PLSCR2: variants seen among roughly 807,000 people sequenced by gnomAD.
PLSCR2 encodes the protein phospholipid scramblase 2, also known as PL scramblase 2.
In PLSCR2, 18 loss-of-function variants were observed where a neutral mutation model predicts 25.3. That is an observed-to-expected ratio of 0.71 (90% CI 0.49 to 1.06). The LOEUF (loss-of-function observed/expected upper bound fraction) is 1.06. Among genes scored for constraint, PLSCR2 ranks in the 50% least tolerant of loss-of-function variants. PLSCR2 has a pLI of 0.00. For synonymous variants in PLSCR2, 88 were observed against 87.3 expected, an observed-to-expected ratio of 1.01 and a Z score of -0.04; for missense variants, 243 against 269.5, an observed-to-expected ratio of 0.90 and a Z score of 0.69.
At chr3:146,473,818 A>C (rs2042198118) in intron 1 of PLSCR2, among the ~76,000 whole-genome samples, 1 of 152,124 alleles carries the variant, frequency 6.6e-6, no homozygotes, top group Non-Finnish European at 1.5e-5. Context: ...GGGGCTTGAG[A>C]ATTTGCTTTT....
chr3:146,398,405 A>G (rs2038344451), intron 2 of PLSCR2, among the ~76,000 whole-genome samples: 2 of 151,728 alleles, frequency 1.3e-5, no homozygotes. Flanking sequence ...TTCTCTGTCA[A>G]TATTCTTTGA....
At chr3:146,455,326 C>A in exon 4 of PLSCR2, 1 of 1,613,950 alleles carries the variant, frequency 6.2e-7, no homozygotes, top group Non-Finnish European at 8.5e-7. Flanking sequence ...TATCAGTAAT[C>A]CTCAAGGTAA....
At chr3:146,493,676 T>C (rs1016300670) in intron 1 of PLSCR2, among the ~76,000 whole-genome samples, 1 of 151,974 alleles carries the variant, frequency 6.6e-6, no homozygotes, top group African/African-American at 2.4e-5. Context: ...AAGGTAAGCA[T>C]GTGTTTTCAG....
chr3:146,481,536 C>T (rs2043130145), intron 1 of PLSCR2, among the ~76,000 whole-genome samples: 1 of 152,124 alleles, frequency 6.6e-6, no homozygotes, highest in African/African-American at 2.4e-5. Context: ...TGTGAAGGAC[C>T]TCTTCAAGGA....
intron 2 of PLSCR2, among the ~76,000 whole-genome samples, chr3:146,418,196 A>C (rs183207698): frequency 6.6e-6 from 1 of 152,268 alleles, no homozygotes; most frequent in Admixed American, 6.5e-5. Context: ...ATGTTGGGGA[A>C]CCATTGTTCT....
chr3:146,395,163 A>G (rs902149277), intron 3 of PLSCR2, among the ~76,000 whole-genome samples: 4 of 152,188 alleles, frequency 2.6e-5, no homozygotes, highest in Admixed American at 6.5e-5. Flanking sequence ...CCTTAGAGGG[A>G]TCATCTAAAG....
chr3:146,402,247 T>G (rs541908090), intron 2 of PLSCR2, among the ~76,000 whole-genome samples: 3 of 152,048 alleles, frequency 2.0e-5, no homozygotes, highest in African/African-American at 7.2e-5. Context: ...GGTTTTATGA[T>G]AAAGAAAAAA....
chr3:146,434,810 T>A (rs1359008765), intron 8 of PLSCR2, among the ~76,000 whole-genome samples: 3 of 152,110 alleles, frequency 2.0e-5, no homozygotes, highest in Non-Finnish European at 2.9e-5. Context: ...CTAGGGTACA[T>A]GTGCACAATG....
intron 2 of PLSCR2, among the ~76,000 whole-genome samples, chr3:146,404,990 G>C (rs983394432): frequency 6.6e-6 from 1 of 152,126 alleles, no homozygotes; most frequent in Non-Finnish European, 1.5e-5. Context: ...CCCTATCCCT[G>C]TGGCTTTACT....
At chr3:146,484,854 C>T (rs566778473) in intron 1 of PLSCR2, among the ~76,000 whole-genome samples, 3 of 152,030 alleles carry the variant, frequency 2.0e-5, no homozygotes, top group South Asian at 2.1e-4. Context: ...AGATAAAGAC[C>T]AATGACACTA....
At chr3:146,408,386 GTTC>G (rs1388984822) in intron 2 of PLSCR2, among the ~76,000 whole-genome samples, 12 of 152,248 alleles carry the variant, frequency 7.9e-5, no homozygotes, top group Admixed American at 1.3e-4. Flanking sequence ...TGAAAAGTCT[GTTC>G]TTCTGTGTCT....
At chr3:146,441,775 C>A (rs373829293) in exon 7 of PLSCR2, 1 of 1,579,706 alleles carries the variant, frequency 6.3e-7, no homozygotes. Flanking sequence ...CACTCCCACA[C>A]TCTGACATTC....
At chr3:146,448,194 T>C (rs2040676103) in intron 6 of PLSCR2, among the ~76,000 whole-genome samples, 1 of 152,202 alleles carries the variant, frequency 6.6e-6, no homozygotes, top group Admixed American at 6.5e-5. Flanking sequence ...CTTTCTGTTG[T>C]GTGGACAGTT....
rs771213218 is a variant in PLSCR2, at chr3:146,455,306, C to T, written c.254G>A (p.Arg85Gln). The T allele has an allele frequency of 6.2e-6, 10 of 1,613,864 alleles. No individual in the cohort carries two copies. Among genetic ancestry groups the T allele is most frequent in the South Asian group, 3.3e-5 (3 of 91,080 alleles). Residue 85 changes from arginine (R) to glutamine (Q), a missense_variant, in exon 4 of 7, where the codon CGA becomes CAA. Arg to Gln is a conservative substitution (Grantham distance 43). Coordinates refer to ENST00000610787, the Ensembl canonical transcript of PLSCR2. ...TGGTCTTTCCAGAGTTATGACTTCT[C>T]GACCCACATTATCAGTAATCCTCAA...
chr3:146,415,457 A>G (rs1477983239), intron 2 of PLSCR2, among the ~76,000 whole-genome samples: 1 of 152,034 alleles, frequency 6.6e-6, no homozygotes, highest in Non-Finnish European at 1.5e-5. Context: ...AAAAAATTTA[A>G]AGTACATATT....
rs143909934 is a variant in PLSCR2, at chr3:146,426,199, C to G, written c.101-30278G>C. Among the ~76,000 whole-genome samples, 835 of 147,068 alleles carry G rather than the reference C, an allele frequency of 5.7e-3. 5 individuals carry two copies. Among genetic ancestry groups the G allele is most frequent in the African/African-American group, 0.02 (796 of 39,660 alleles). ...CCTTCCTTCCTCCCTCCCTCCTTCC[C>G]TCCTTCCTTCCCTCCCTCCTTCCCT... On this transcript the variant is annotated intron_variant and NMD_transcript_variant, in intron 2 of 3. Coordinates refer to the PLSCR2 transcript ENST00000463633.
intron 5 of PLSCR2, among the ~76,000 whole-genome samples, chr3:146,449,919 C>T (rs1176901330): frequency 6.6e-6 from 1 of 152,086 alleles, no homozygotes; most frequent in Admixed American, 6.6e-5. Flanking sequence ...CAGTAAGTAA[C>T]TTGATGGGAT....
At chr3:146,412,623 AT>A (rs916538863) in intron 2 of PLSCR2, among the ~76,000 whole-genome samples, 1 of 152,050 alleles carries the variant, frequency 6.6e-6, no homozygotes, top group African/African-American at 2.4e-5. Flanking sequence ...CATAAATTTA[AT>A]TTTCTCAGCA....
chr3:146,451,706 G>A (rs903072440), intron 5 of PLSCR2, among the ~76,000 whole-genome samples: 3 of 152,178 alleles, frequency 2.0e-5, no homozygotes, highest in Non-Finnish European at 4.4e-5. Flanking sequence ...CTCCGGAGAT[G>A]AGAGTAAGGC....
Sources: gnomAD v4.1 joint callset for allele counts (sites outside exome capture counted in the v4.1 genomes callset) on GRCh38, gnomAD v4.1.1 for gene constraint, MANE v1.5 for transcripts, NCBI Gene and HGNC (gene_info 2026-07-23, HGNC 2026-07-21) for gene names.